Variants in SAMMSON observed in about 807,000 individuals in gnomAD.
SAMMSON encodes the protein survival associated mitochondrial melanoma specific oncogenic non-coding RNA, also known as long intergenic non-protein coding RNA 1212.
intron 7 of SAMMSON, among the ~76,000 whole-genome samples, chr3:70,318,542 A>G (rs9882057): frequency 0.015 from 2,231 of 151,922 alleles, 45 homozygotes; most frequent in African/African-American, 0.05. Context: ...CATGATCACT[A>G]TCTTTTCCTT....
At chr3:70,253,474 C>A (rs1701788314) in intron 6 of SAMMSON, among the ~76,000 whole-genome samples, 2 of 152,196 alleles carry the variant, frequency 1.3e-5, no homozygotes, top group African/African-American at 4.8e-5. Context: ...TTTCATCCAG[C>A]TGGGCACAGT....
At chr3:70,432,667 A>G (rs975290927) in intron 2 of SAMMSON, among the ~76,000 whole-genome samples, 1 of 152,016 alleles carries the variant, frequency 6.6e-6, no homozygotes, top group Non-Finnish European at 1.5e-5. Flanking sequence ...ATTATTGTTA[A>G]ATAAAGTTCA....
At chr3:70,314,607 A>G (rs990528466) in intron 7 of SAMMSON, among the ~76,000 whole-genome samples, 2 of 152,168 alleles carry the variant, frequency 1.3e-5, no homozygotes, top group Admixed American at 6.6e-5. Flanking sequence ...AGAAAAGACA[A>G]TTAAGAACCT....
chr3:70,036,270 A>G (rs1269742063), intron 3 of SAMMSON, among the ~76,000 whole-genome samples: 1 of 152,138 alleles, frequency 6.6e-6, no homozygotes, highest in Non-Finnish European at 1.5e-5. Flanking sequence ...TAGTATGGAA[A>G]CACCTGGGTT....
chr3:70,169,238 T>A (rs1306840234), intron 4 of SAMMSON, among the ~76,000 whole-genome samples: 1 of 152,058 alleles, frequency 6.6e-6, no homozygotes, highest in East Asian at 1.9e-4. Context: ...AGTTTTAAGA[T>A]GGAAAATATC....
intron 6 of SAMMSON, among the ~76,000 whole-genome samples, chr3:70,250,568 G>A (rs1701755462): frequency 1.3e-5 from 2 of 151,992 alleles, no homozygotes; most frequent in African/African-American, 4.8e-5. Context: ...AAACTATTCG[G>A]GTGGAAAAAT....
intron 7 of SAMMSON, among the ~76,000 whole-genome samples, chr3:70,301,978 C>T (rs984553075): frequency 3.3e-5 from 5 of 152,046 alleles, no homozygotes; most frequent in African/African-American, 1.2e-4. Context: ...TCTTTACTTT[C>T]TGCAGGGTAG....
intron 3 of SAMMSON, among the ~76,000 whole-genome samples, chr3:70,044,203 T>C (rs1485263954): frequency 6.6e-6 from 1 of 152,060 alleles, no homozygotes; most frequent in Non-Finnish European, 1.5e-5. Context: ...TGTATTAAGT[T>C]TTTTGTTCTG....
chr3:70,240,347 T>TA (rs1447309372), intron 4 of SAMMSON, among the ~76,000 whole-genome samples: 1 of 152,028 alleles, frequency 6.6e-6, no homozygotes, highest in African/African-American at 2.4e-5. Flanking sequence ...TTTTTTTTTT[T>TA]AATCTCTCCA....
rs189439422 is a variant in SAMMSON at position 70,425,655 on chromosome 3, C to T, written n.234-36905C>T. ...GTCTCGATCTACTGACCTCATGATC[C>T]GCCCGCCTCCCAAAGTGCTGGGATT... On this transcript the variant is annotated intron_variant and non_coding_transcript_variant, in intron 2 of 3. Transcript: ENST00000641053. Among the ~76,000 whole-genome samples the T allele has an allele frequency of 5.1e-3, 781 of 152,048 alleles. 8 individuals carry two copies. Among genetic ancestry groups the T allele is most frequent in the African/African-American group, 0.018 (746 of 41,458 alleles).
chr3:70,024,325 C>T (rs1363713237), intron 3 of SAMMSON, among the ~76,000 whole-genome samples: 2 of 152,174 alleles, frequency 1.3e-5, no homozygotes, highest in Non-Finnish European at 2.9e-5. Context: ...TACAAATCCA[C>T]TTCTTCTAGT....
intron 3 of SAMMSON, among the ~76,000 whole-genome samples, chr3:70,020,011 G>T (rs1291775840): frequency 6.6e-6 from 1 of 152,102 alleles, no homozygotes; most frequent in Non-Finnish European, 1.5e-5. Flanking sequence ...GGAAATTCTT[G>T]CTTGGCTCTC....
At chr3:70,036,889 A>G (rs1289159060) in intron 3 of SAMMSON, among the ~76,000 whole-genome samples, 2 of 152,130 alleles carry the variant, frequency 1.3e-5, no homozygotes, top group African/African-American at 4.8e-5. Flanking sequence ...TTTGTGCTGA[A>G]TGGAGGAATC....
chr3:70,201,252 G>A (rs1459669754), intron 4 of SAMMSON, among the ~76,000 whole-genome samples: 1 of 151,994 alleles, frequency 6.6e-6, no homozygotes, highest in East Asian at 1.9e-4. Flanking sequence ...CTGTGTTTAT[G>A]TGTTCTCATC....
intron 2 of SAMMSON, among the ~76,000 whole-genome samples, chr3:70,419,343 T>G (rs1701293466): frequency 6.6e-6 from 1 of 151,914 alleles, no homozygotes; most frequent in Admixed American, 6.6e-5. Context: ...AGATTTGATG[T>G]TTTCTTTGGA....
At chr3:70,414,012 T>C (rs998571480) in intron 2 of SAMMSON, among the ~76,000 whole-genome samples, 9 of 152,244 alleles carry the variant, frequency 5.9e-5, no homozygotes, top group South Asian at 2.1e-4. Flanking sequence ...AGGGAGTATG[T>C]AGTCTTTTGT....
At chr3:70,281,345 A>G (rs1413832635) in intron 6 of SAMMSON, among the ~76,000 whole-genome samples, 2 of 152,040 alleles carry the variant, frequency 1.3e-5, no homozygotes, top group Non-Finnish European at 2.9e-5. Flanking sequence ...TTCTCTCTCA[A>G]CTTCATTATT....
chr3:70,292,068 A>G (rs7628611), intron 7 of SAMMSON: 31,685 of 152,090 alleles, frequency 0.21, 3,502 homozygotes, highest in South Asian at 0.28. Flanking sequence ...ATTGTATAAA[A>G]CTATTCCTTT....
intron 4 of SAMMSON, among the ~76,000 whole-genome samples, chr3:70,165,082 C>T (rs1306619198): frequency 6.6e-6 from 1 of 151,896 alleles, no homozygotes; most frequent in Non-Finnish European, 1.5e-5. Flanking sequence ...TGGAGAGCCC[C>T]AAGAAAATGA....
Sources: allele counts gnomAD v4.1 joint callset (sites outside exome capture counted in the v4.1 genomes callset), GRCh38; gene constraint gnomAD v4.1.1; transcripts MANE v1.5; gene names NCBI Gene and HGNC (gene_info 2026-07-23, HGNC 2026-07-21).